Variants in COQ8A observed in about 807,000 individuals in gnomAD.
COQ8A encodes coenzyme Q8A.
COQ8A carries 51 observed loss-of-function variants against 65.0 expected under a neutral mutation model. The observed-to-expected ratio is 0.78, with a 90% CI of 0.63 to 0.99. The LOEUF is 0.99. Among genes scored for constraint, COQ8A ranks in the 50% least tolerant of loss-of-function variants. The pLI is 0.00. For missense variants in COQ8A, 940 were observed against 875.0 expected (o/e 1.07, Z -0.94); for synonymous variants, 371 against 353.2 (o/e 1.05, Z -0.57).
At chr1:226,962,626 C>T (rs1401935954) in intron 2 of COQ8A, among the ~76,000 whole-genome samples, 1 of 152,210 alleles carries the variant, frequency 6.6e-6, no homozygotes, top group African/African-American at 2.4e-5. Context: ...CAAAGGTCAC[C>T]GCCCTCCTGC....
rs752130338 is a variant in COQ8A, at chr1:226,986,637, G to C, written c.1844G>C (p.Gly615Ala). 1.2e-6 allele frequency: 2 copies of C among 1,613,860 alleles called. No homozygotes were observed. The highest frequency in any genetic ancestry group is 1.7e-6 in the Non-Finnish European group (2 of 1,180,006). Residue 615 changes from glycine to alanine, a missense_variant, in exon 15 of 15, where the codon GGC (glycine) becomes GCC (alanine). Transcript: ENST00000366777. ...ETYSLHRKMG[G>A]SFLICSKLKA... Reference sequence around the variant, plus strand: ...TACTCCCTGCACAGGAAGATGGGGGGCTCCTTCCTCATCTGCTCCAAGCTG... The same window carrying C: ...TACTCCCTGCACAGGAAGATGGGGGCCTCCTTCCTCATCTGCTCCAAGCTG...
At chr1:226,954,803 G>C (rs1052187122) in intron 1 of COQ8A, among the ~76,000 whole-genome samples, 2 of 152,232 alleles carry the variant, frequency 1.3e-5, no homozygotes. Flanking sequence ...TCCTATGGCT[G>C]ATGGTCCTTG....
intron 5 of COQ8A, among the ~76,000 whole-genome samples, 194 bp from the exon 6 acceptor site, chr1:226,981,833 G>T (rs1659712051): frequency 6.6e-6 from 1 of 152,214 alleles, no homozygotes; most frequent in African/African-American, 2.4e-5. Flanking sequence ...GGGAGGCGCT[G>T]GCGTAGGGCC....
At position 226,965,415 on chromosome 1, in the gene COQ8A, G is replaced by A. The variant is rs746964107; in HGVS notation, c.588+5G>A. The A allele has an allele frequency of 1.4e-5, 22 of 1,606,574 alleles. No individual in the cohort carries two copies. The highest frequency in any genetic ancestry group is 4.5e-5 in the East Asian group (2 of 44,658). On this transcript the variant is annotated splice_donor_5th_base_variant and intron_variant, in intron 3 of 14. Coordinates refer to ENST00000366777, the MANE Select transcript of COQ8A (RefSeq NM_020247.5). ...AACAAGCAGCACAAACAGACGGTGCGTATGGGAGGCCCCTGGAGGGCCGAG... is the reference window on the plus strand; with the variant it reads ...AACAAGCAGCACAAACAGACGGTGCATATGGGAGGCCCCTGGAGGGCCGAG...
chr1:226,941,408 C>T (rs561557660), intron 1 of COQ8A, among the ~76,000 whole-genome samples: 3 of 152,262 alleles, frequency 2.0e-5, no homozygotes, highest in Non-Finnish European at 4.4e-5. Context: ...TTGGGAGACT[C>T]TTCTTTTGGA....
In COQ8A at chr1:226,976,082, T is replaced by A. The variant is rs903775187; in HGVS notation, c.656-1367T>A. ...GGGCAGTGGGGCTGTGGCGCTGCGATGTTGTCTGACTGCGGGGCTGTGGGA... is the reference window on the plus strand; with the variant it reads ...GGGCAGTGGGGCTGTGGCGCTGCGAAGTTGTCTGACTGCGGGGCTGTGGGA... On this transcript the variant is annotated intron_variant, in intron 4 of 14. Coordinates refer to ENST00000366777, the MANE Select transcript of COQ8A (RefSeq NM_020247.5). 1.7e-4 allele frequency among the ~76,000 whole-genome samples: 25 copies of A among 146,816 alleles called. 1 individual carries two copies. The highest frequency in any genetic ancestry group is 4.3e-4 in the African/African-American group (17 of 39,634).
intron 5 of COQ8A, 88 bp from the exon 6 acceptor site, chr1:226,981,935 TTGTC>T (rs775458643): frequency 2.8e-4 from 445 of 1,577,186 alleles, no homozygotes; most frequent in Non-Finnish European, 3.6e-4. Context: ...AGGAAGGACA[TTGTC>T]TGAGCCTCCG....
chr1:226,961,246 TAGC>T, intron 1 of COQ8A, 128 bp from the exon 2 acceptor site: 1 of 961,152 alleles, frequency 1.0e-6, no homozygotes. Context: ...TCTTATCTCT[TAGC>T]AGAAGGGGAG....
At chr1:226,964,217 T>C (rs1204538188) in intron 2 of COQ8A, among the ~76,000 whole-genome samples, 1 of 152,184 alleles carries the variant, frequency 6.6e-6, no homozygotes, top group East Asian at 1.9e-4. Context: ...CTGTTCTAAT[T>C]ATAGGCTCCT....
intron 4 of COQ8A, 31 bp from the exon 5 acceptor site, chr1:226,977,418 G>A: frequency 6.5e-7 from 1 of 1,548,228 alleles, no homozygotes; most frequent in South Asian, 1.2e-5. Context: ...CCCTGCGTGA[G>A]CACTGAGTGC....
chr1:226,977,180 C>T (rs556613733), intron 4 of COQ8A, among the ~76,000 whole-genome samples: 10 of 152,202 alleles, frequency 6.6e-5, no homozygotes, highest in Admixed American at 2.0e-4. Context: ...TCCGTGTGCC[C>T]GTGAGCCTGT....
intron 1 of COQ8A, among the ~76,000 whole-genome samples, chr1:226,950,201 C>A (rs144752625): frequency 6.6e-6 from 1 of 152,270 alleles, no homozygotes; most frequent in South Asian, 2.1e-4. Flanking sequence ...CAGGTTCGCT[C>A]ACAGTGTTGG....
chr1:226,974,231 G>T (rs557799980), intron 4 of COQ8A, among the ~76,000 whole-genome samples: 1 of 152,298 alleles, frequency 6.6e-6, no homozygotes, highest in African/African-American at 2.4e-5. Context: ...GTTCCTGCCT[G>T]GGGGAGAGCC....
rs1658376760 is a variant in COQ8A, at chr1:226,963,444, ACTGGC to A, written c.178-1553_178-1549del. ...CCTTCGGGGCCCTGGGGACCCCCCC[ACTGGC>A]CTTGGGCTTCCACAGTGACACCGAC... On this transcript the variant is annotated intron_variant, in intron 2 of 14. Coordinates refer to ENST00000366777, the MANE Select transcript of COQ8A (RefSeq NM_020247.5). Among the ~76,000 whole-genome samples the A allele has an allele frequency of 2.0e-5, 3 of 150,818 alleles. No individual in the cohort carries two copies. The Admixed American group carries it at 2.0e-4, about 10-fold the overall frequency.
chr1:226,983,406 A>G, intron 8 of COQ8A, 146 bp from the exon 9 acceptor site: 1 of 787,366 alleles, frequency 1.3e-6, no homozygotes, highest in East Asian at 2.7e-5. Context: ...TCACGGCAGC[A>G]TGGCTGGGTC....
At chr1:226,951,105 A>G (rs75569821) in intron 1 of COQ8A, among the ~76,000 whole-genome samples, 5,748 of 152,256 alleles carry the variant, frequency 0.038, 332 homozygotes, top group African/African-American at 0.12. Flanking sequence ...AAGGGACTCT[A>G]TGTGGGGCAT....
chr1:226,959,656 G>GT (rs1658029616), intron 1 of COQ8A, among the ~76,000 whole-genome samples: 4 of 152,216 alleles, frequency 2.6e-5, no homozygotes, highest in Admixed American at 2.6e-4. Context: ...AGAAGAACAG[G>GT]TTTTGCATCC....
In COQ8A at chr1:226,972,225, C is replaced by T. The variant is rs574395489; in HGVS notation, c.656-5224C>T. Among the ~76,000 whole-genome samples the T allele has an allele frequency of 6.6e-6, 1 of 152,102 alleles. No individual in the cohort carries two copies. Among genetic ancestry groups the T allele is most frequent in the Non-Finnish European group, 1.5e-5 (1 of 68,002 alleles). ...TGTGGTGGTTCCTGGGGCCTTCACA[C>T]AGGAACTTACAATCCACATCATTAA... On this transcript the variant is annotated intron_variant, in intron 4 of 14. Coordinates refer to ENST00000366777, the MANE Select transcript of COQ8A (RefSeq NM_020247.5). The surrounding 1 kb of genome is among the most constrained non-coding windows in gnomAD (Gnocchi z 4.3).
intron 1 of COQ8A, among the ~76,000 whole-genome samples, chr1:226,952,893 C>T (rs532663882): frequency 6.6e-6 from 1 of 152,152 alleles, no homozygotes; most frequent in East Asian, 1.9e-4. Flanking sequence ...CTTCCTGTCA[C>T]CTCCCTCCCT....
Sources: gnomAD v4.1 joint callset for allele counts (sites outside exome capture counted in the v4.1 genomes callset) on GRCh38, gnomAD v4.1.1 for gene constraint, Gnocchi (gnomAD v3.1) non-coding constraint, MANE v1.5 for transcripts, NCBI Gene and HGNC (gene_info 2026-07-23, HGNC 2026-07-21) for gene names.